ANK2: variants seen among roughly 807,000 people sequenced by gnomAD.
The protein encoded by ANK2 is ankyrin 2, also known as ankyrin-2.
ANK2 carries 83 observed loss-of-function variants against 360.5 expected under a neutral mutation model. The observed-to-expected ratio is 0.23, with a 90% confidence interval of 0.19 to 0.28. The LOEUF is 0.28. Among genes scored for constraint, ANK2 ranks in the 10% least tolerant of loss-of-function variants. The pLI is 1.00. For synonymous variants in ANK2, 1,740 were observed against 1,759.5 expected, an observed-to-expected ratio of 0.99 and a Z score of 0.28; for missense variants, 4,201 against 4,795.7, an observed-to-expected ratio of 0.88 and a Z score of 3.66.
the ANK2 span, among the ~76,000 whole-genome samples, chr4:112,776,172 C>T: frequency 2.6e-5 from 4 of 152,166 alleles, no homozygotes; most frequent in African/African-American, 7.2e-5. Context: ...CATCCTTTCC[C>T]TTCTACCCTC....
intron 45 of ANK2, among the ~76,000 whole-genome samples, chr4:113,376,850 A>G (rs1423018012): frequency 7.4e-6 from 1 of 135,022 alleles, no homozygotes; most frequent in Non-Finnish European, 1.5e-5. Flanking sequence ...AAGCATGTAC[A>G]TTAGCCTAGG....
rs74945545 is a variant in ANK2 at position 113,152,095 on chromosome 4, G to A, written c.85-22321G>A. Among the ~76,000 whole-genome samples the A allele has an allele frequency of 2.3e-3, 298 of 130,444 alleles. 19 individuals are homozygous for A. Among genetic ancestry groups the A allele is most frequent in the East Asian group, 6.9e-3 (29 of 4,224 alleles). 85.6% of individuals were successfully genotyped at this position (130,444 alleles called of 152,430 possible). On this transcript the variant is annotated intron_variant, in intron 1 of 45. Transcript: ENST00000357077. ...AAAAAAAAAGAAAAAAAAAAAAAAA[G>A]AAAAAAGAAGGAAAGAAAGATTACA...
chr4:113,374,480 A>G (rs1013933464), intron 45 of ANK2, among the ~76,000 whole-genome samples: 4 of 152,208 alleles, frequency 2.6e-5, no homozygotes, highest in African/African-American at 9.6e-5. Flanking sequence ...TTCACATATT[A>G]TTATGTCTGT....
At chr4:112,999,469 C>T (rs2154284147) in intron 2 of ANK2, among the ~76,000 whole-genome samples, 1 of 152,242 alleles carries the variant, frequency 6.6e-6, no homozygotes, top group Middle Eastern at 3.4e-3. Flanking sequence ...ACTAAGCCTG[C>T]CATTCTGCCT....
At chr4:112,952,304 G>A (rs1276899578) in intron 2 of ANK2, among the ~76,000 whole-genome samples, 1 of 152,152 alleles carries the variant, frequency 6.6e-6, no homozygotes, top group Non-Finnish European at 1.5e-5. Context: ...TGTTTAAAAT[G>A]TATATTTCAC....
rs780054284 is a variant in ANK2, at chr4:113,365,016, A to G, written c.10889-23A>G. ...TAAGAGTACCTCTCAGACATAATAA[A>G]TGCTGTTTCTCTAATGTGTCAGATA... is the stretch of plus-strand genomic sequence containing the variant. On this transcript the variant is annotated intron_variant, in intron 40 of 45. Transcript: ENST00000357077. 5 of 1,613,360 alleles carry G rather than the reference A, an allele frequency of 3.1e-6. No individual in the cohort carries two copies. In the African/African-American group the frequency reaches 6.7e-5, roughly 22 times the overall value.
At chr4:112,905,656 C>G (rs1342612767) in intron 2 of ANK2, among the ~76,000 whole-genome samples, 1 of 151,912 alleles carries the variant, frequency 6.6e-6, no homozygotes. Flanking sequence ...AGGCTATTTT[C>G]TTTTTGTTTT....
intron 10 of ANK2, among the ~76,000 whole-genome samples, chr4:113,253,158 T>C (rs1354389989): frequency 6.6e-6 from 1 of 152,198 alleles, no homozygotes; most frequent in Non-Finnish European, 1.5e-5. Flanking sequence ...CTGGTGTGAT[T>C]GCTTGGTCCT....
At chr4:113,252,889 C>A (rs559743452) in intron 10 of ANK2, among the ~76,000 whole-genome samples, 42 of 152,342 alleles carry the variant, frequency 2.8e-4, no homozygotes, top group African/African-American at 9.6e-4. Context: ...TCACTAACCT[C>A]AAGTCAGCTG....
At chr4:112,791,910 A>G in the ANK2 span, among the ~76,000 whole-genome samples, 1 of 152,126 alleles carries the variant, frequency 6.6e-6, no homozygotes, top group Non-Finnish European at 1.5e-5. Context: ...GAATATATGT[A>G]TATTGGTTCT....
At chr4:113,065,275 G>A (rs1375495649) in intron 1 of ANK2, among the ~76,000 whole-genome samples, 1 of 151,976 alleles carries the variant, frequency 6.6e-6, no homozygotes, top group Non-Finnish European at 1.5e-5. Flanking sequence ...AACAAATACA[G>A]CACCTCTCAA....
At chr4:113,381,167 G>T (rs2097159661) in intron 45 of ANK2, among the ~76,000 whole-genome samples, 1 of 152,090 alleles carries the variant, frequency 6.6e-6, no homozygotes, top group Admixed American at 6.6e-5. Flanking sequence ...TTTTTGAGAA[G>T]ATCAAATTAA....
rs79942138 is a variant in ANK2 at position 113,112,282 on chromosome 4, A to AT, written c.85-62128dup. ...TTGTTTAGGAAGTTCTAGTGAGGGGATTTTTTCATCAGAAGAGTTTTCACA... is the reference window on the plus strand; with the variant it reads ...TTGTTTAGGAAGTTCTAGTGAGGGGATTTTTTTCATCAGAAGAGTTTTCACA... On this transcript the variant is annotated intron_variant, in intron 1 of 45. Transcript: ENST00000357077. Among the ~76,000 whole-genome samples, 543 of 152,106 alleles carry AT rather than the reference A, an allele frequency of 3.6e-3. 6 individuals carry two copies. The highest frequency in any genetic ancestry group is 0.025 in the Admixed American group (387 of 15,260).
intron 1 of ANK2, chr4:113,107,079 G>C (rs1278254244): frequency 6.3e-6 from 2 of 319,756 alleles, no homozygotes; most frequent in Non-Finnish European, 6.1e-6. Flanking sequence ...TTAAGGCCTG[G>C]TGTAAATCTT....
At chr4:113,239,076 TA>T (rs901045736) in intron 7 of ANK2, among the ~76,000 whole-genome samples, 11 of 152,234 alleles carry the variant, frequency 7.2e-5, no homozygotes, top group Admixed American at 4.6e-4. Context: ...AATTATTTCC[TA>T]AAATATGAAA....
At chr4:113,076,767 G>T (rs2080186084) in intron 1 of ANK2, among the ~76,000 whole-genome samples, 2 of 149,908 alleles carry the variant, frequency 1.3e-5, no homozygotes, top group South Asian at 2.1e-4. Flanking sequence ...CTGTACTCCA[G>T]CCAGGGCAAC....
Position 113,042,560 on chromosome 4 carries a change from CAA to C in ANK2, c.22-131854_22-131853del, listed in dbSNP as rs558137173. On this transcript the variant is annotated intron_variant, in intron 2 of 30. Coordinates refer to the ANK2 transcript ENST00000503271. ...TCAACATGTAAATTTTGCAGGGACA[CAA>C]ATGTTTTGTCAGTAACAGATACCTA... Among the ~76,000 whole-genome samples, 450 of 152,286 alleles carry C rather than the reference CAA, an allele frequency of 3.0e-3. 2 individuals carry two copies. Among genetic ancestry groups the C allele is most frequent in the South Asian group, 0.023 (109 of 4,834 alleles).
At chr4:112,779,294 A>G in the ANK2 span, among the ~76,000 whole-genome samples, 9 of 152,226 alleles carry the variant, frequency 5.9e-5, no homozygotes, top group African/African-American at 1.9e-4. Context: ...TGAGGCGGGC[A>G]GATCACAAGG....
chr4:113,341,827 A>T lies in ANK2; in HGVS notation c.4033A>T (p.Arg1345Trp). 1 of 1,614,004 alleles carries T rather than the reference A, an allele frequency of 6.2e-7. No homozygotes were observed. Among genetic ancestry groups the T allele is most frequent in the East Asian group, 2.2e-5 (1 of 44,882 alleles). ...ACATGACCCCATTGAAGCCAGGTTG[A>T]GGTGTTTCTGCATGACTGATGATAA... ...KSHDPIEARLRCFCMTDDKVD... is the reference protein window; with the variant it reads ...KSHDPIEARLWCFCMTDDKVD... The change falls in exon 33 of 46, where the codon AGG (arginine) becomes TGG (tryptophan). Residue 1345 changes from arginine (R) to tryptophan (W), a missense_variant. Transcript: ENST00000357077.
Sources: gnomAD v4.1 joint callset for allele counts (sites outside exome capture counted in the v4.1 genomes callset) on GRCh38, gnomAD v4.1.1 for gene constraint, MANE v1.5 for transcripts, NCBI Gene and HGNC (gene_info 2026-07-23, HGNC 2026-07-21) for gene names.